Variants in PHKB observed in about 807,000 individuals in gnomAD.
The protein encoded by PHKB is phosphorylase b kinase regulatory subunit beta.
PHKB carries 122 observed loss-of-function variants against 152.1 expected under a neutral mutation model. The ratio of observed to expected loss-of-function variants is 0.80; its 90% CI spans 0.69 to 0.93. The LOEUF (loss-of-function observed/expected upper bound fraction) is 0.93. PHKB is among the 40% of genes least tolerant of loss of function. The probability of loss-of-function intolerance (pLI) is 0.00; values close to 1 mark genes in which losing one functional copy is unlikely to be tolerated. For synonymous variants in PHKB, 436 were observed against 464.9 expected (o/e 0.94, Z 0.80); for missense variants, 1,304 against 1,328.4 (o/e 0.98, Z 0.29).
chr16:47,476,500 A>C (rs1969871354), intron 1 of PHKB, among the ~76,000 whole-genome samples: 1 of 152,164 alleles, frequency 6.6e-6, no homozygotes, highest in African/African-American at 2.4e-5. Context: ...GGATAAAAAG[A>C]TCTATCAGGA....
intron 1 of PHKB, among the ~76,000 whole-genome samples, chr16:47,461,896 A>T (rs781760187): frequency 1.3e-5 from 2 of 152,146 alleles, no homozygotes; most frequent in Non-Finnish European, 2.9e-5. Context: ...TCCCTTTTAC[A>T]TTCCCCACAG....
intron 29 of PHKB, among the ~76,000 whole-genome samples, chr16:47,697,821 A>G (rs1465792352): frequency 6.6e-6 from 1 of 152,258 alleles, no homozygotes; most frequent in East Asian, 1.9e-4. Flanking sequence ...GGATAGGTGT[A>G]TGTGATGGCC....
At chr16:47,470,981 G>T (rs1420278251) in intron 1 of PHKB, among the ~76,000 whole-genome samples, 2 of 152,124 alleles carry the variant, frequency 1.3e-5, no homozygotes, top group African/African-American at 2.4e-5. Context: ...TGCTACTAGA[G>T]CCATAACCTC....
In PHKB at chr16:47,470,084, T is replaced by C. The variant is rs950935876; in HGVS notation, c.76+8658T>C. On this transcript the variant is annotated intron_variant, in intron 1 of 30. Transcript: ENST00000323584. ...AATCCTCTTGCCTAGACCAGTTTGG[T>C]TGGGGAGACCCTAACCCAGCGGCGC... Among the ~76,000 whole-genome samples the C allele has an allele frequency of 4.6e-5, 7 of 152,306 alleles. No individual in the cohort carries two copies. The East Asian group carries it at 5.8e-4, about 13-fold the overall frequency.
intron 7 of PHKB, among the ~76,000 whole-genome samples, chr16:47,572,819 T>TA (rs1971685339): frequency 6.6e-6 from 1 of 152,136 alleles, no homozygotes; most frequent in Non-Finnish European, 1.5e-5. Flanking sequence ...GTGTGAGTAA[T>TA]AGTGTTAGCT....
At chr16:47,590,489 T>C (rs1033021348) in intron 10 of PHKB, 4 of 152,190 alleles carry the variant, frequency 2.6e-5, no homozygotes, top group African/African-American at 7.2e-5. Context: ...ATTTTAGCAG[T>C]GTTGGCAGTG....
At chr16:47,565,719 C>A in intron 7 of PHKB, 1 of 1,478,792 alleles carries the variant, frequency 6.8e-7, no homozygotes, top group Non-Finnish European at 9.4e-7. Context: ...CCGAGGCCAT[C>A]GTTCTAGTTT....
At chr16:47,541,392 A>G (rs956225448) in intron 6 of PHKB, among the ~76,000 whole-genome samples, 2 of 152,162 alleles carry the variant, frequency 1.3e-5, no homozygotes, top group Admixed American at 6.5e-5. Context: ...AATCCAGTCT[A>G]TCATTGATGG....
At chr16:47,581,856 T>C (rs548032830) in intron 8 of PHKB, among the ~76,000 whole-genome samples, 1 of 152,186 alleles carries the variant, frequency 6.6e-6, no homozygotes, top group African/African-American at 2.4e-5. Context: ...ATTTTTGTAT[T>C]TTTAGTTGAG....
intron 2 of PHKB, 46 bp from the exon 3 acceptor site, chr16:47,499,710 A>G (rs1203122305): frequency 1.2e-6 from 2 of 1,611,964 alleles, no homozygotes; most frequent in East Asian, 4.5e-5. Flanking sequence ...GCCCAAGGAA[A>G]GTCGCTGACT....
intron 20 of PHKB, among the ~76,000 whole-genome samples, chr16:47,659,714 C>T (rs1973403720): frequency 6.6e-6 from 1 of 152,094 alleles, no homozygotes; most frequent in Non-Finnish European, 1.5e-5. Context: ...CCTTCATGTT[C>T]CTGAAAAAAA....
intron 29 of PHKB, 24 bp downstream of exon 29, chr16:47,696,512 G>C: frequency 1.6e-6 from 2 of 1,270,068 alleles, no homozygotes; most frequent in Non-Finnish European, 1.2e-6. Flanking sequence ...AATGAAGATT[G>C]CTGAATAAAT....
At chr16:47,577,327 T>C (rs912593606) in intron 7 of PHKB, among the ~76,000 whole-genome samples, 9 of 152,152 alleles carry the variant, frequency 5.9e-5, no homozygotes, top group Non-Finnish European at 1.0e-4. Flanking sequence ...ATCTTAAATA[T>C]TTCCTCCATA....
chr16:47,566,647 T>G (rs1971572451), intron 7 of PHKB: 2 of 1,031,250 alleles, frequency 1.9e-6, no homozygotes, highest in South Asian at 1.3e-5. Context: ...CAGTCGATAT[T>G]GGGTTCCCAA....
At chr16:47,507,728 A>T in intron 4 of PHKB, among the ~76,000 whole-genome samples, 1 of 152,206 alleles carries the variant, frequency 6.6e-6, no homozygotes, top group Non-Finnish European at 1.5e-5. Flanking sequence ...TATGATATAG[A>T]CCATTAATGT....
At chr16:47,604,890 A>G (rs1208421984) in intron 13 of PHKB, among the ~76,000 whole-genome samples, 2 of 152,196 alleles carry the variant, frequency 1.3e-5, no homozygotes, top group Non-Finnish European at 2.9e-5. Flanking sequence ...CTGTAAATGT[A>G]GAAAGCCATT....
intron 24 of PHKB, chr16:47,664,053 A>G: frequency 3.0e-6 from 1 of 336,300 alleles, no homozygotes. Context: ...AATTTAGGAA[A>G]CCTGTTCTGC....
intron 7 of PHKB, among the ~76,000 whole-genome samples, chr16:47,575,654 T>A (rs1971736815): frequency 6.6e-6 from 1 of 152,146 alleles, no homozygotes; most frequent in East Asian, 1.9e-4. Context: ...AGCTAAATAA[T>A]GTGTACACAT....
chr16:47,626,336 T>C (rs998195722), intron 14 of PHKB, among the ~76,000 whole-genome samples: 2 of 152,224 alleles, frequency 1.3e-5, no homozygotes, highest in Admixed American at 6.5e-5. Flanking sequence ...TTTGACCCAG[T>C]GATGATAAAT....
Sources: gnomAD v4.1 joint callset for allele counts (sites outside exome capture counted in the v4.1 genomes callset) on GRCh38, gnomAD v4.1.1 for gene constraint, MANE v1.5 for transcripts, NCBI Gene and HGNC (gene_info 2026-07-23, HGNC 2026-07-21) for gene names.